The following KCNQ5 variants were observed in gnomAD, a reference collection of about 807,000 sequenced individuals.
KCNQ5 encodes potassium voltage-gated channel subfamily KQT member 5.
A neutral mutation model predicts 98.2 loss-of-function variants in KCNQ5; 30 were observed. The observed-to-expected ratio is 0.31, with a 90% CI of 0.23 to 0.41. The LOEUF (loss-of-function observed/expected upper bound fraction) is 0.41, where lower values mean the gene tolerates loss of function less well. KCNQ5 is among the 10% of genes least tolerant of loss of function. The pLI, the probability that KCNQ5 is intolerant of heterozygous loss-of-function variation, is 1.00. For missense variants in KCNQ5, 835 were observed against 1,182.5 expected (o/e 0.71, Z 4.31); for synonymous variants, 458 against 449.4 (o/e 1.02, Z -0.24).
chr6:73,007,782 G>A (rs953274826), intron 2 of KCNQ5, among the ~76,000 whole-genome samples: 22 of 152,098 alleles, frequency 1.4e-4, no homozygotes, highest in Non-Finnish European at 2.8e-4. Context: ...TCACAGAGGC[G>A]CAGACAAAAA....
At position 73,082,345 on chromosome 6, in the gene KCNQ5, G is replaced by A. The variant is rs146201654; in HGVS notation, c.918+4458G>A. 1.2e-4 allele frequency among the ~76,000 whole-genome samples: 19 copies of A among 152,296 alleles called. No individual in the cohort carries two copies. In the Middle Eastern group the frequency reaches 0.01, roughly 82 times the overall value. ...GAGATGGTGGACATTTTTGTCACTT[G>A]TAATTTGTTTTTAATTTTAAAAAGT... On this transcript the variant is annotated intron_variant, in intron 5 of 13. Transcript: ENST00000370398.
chr6:72,878,980 T>C (rs962120744), intron 1 of KCNQ5, among the ~76,000 whole-genome samples: 5 of 152,242 alleles, frequency 3.3e-5, no homozygotes, highest in Non-Finnish European at 7.3e-5. Context: ...CATAATGTTA[T>C]AGTCATATTT....
intron 1 of KCNQ5, among the ~76,000 whole-genome samples, chr6:72,833,722 T>C (rs1776385396): frequency 1.3e-5 from 2 of 152,098 alleles, no homozygotes; most frequent in South Asian, 4.2e-4. Context: ...AAATTAAATA[T>C]GAGAAAACAA....
Position 72,922,031 on chromosome 6 carries a change from A to T in KCNQ5, c.399-81877A>T, listed in dbSNP as rs1195775062. Among the ~76,000 whole-genome samples the T allele has an allele frequency of 2.0e-5, 3 of 152,322 alleles. No homozygotes were observed. The South Asian group carries it at 6.2e-4, about 32-fold the overall frequency. On this transcript the variant is annotated intron_variant, in intron 1 of 13. Transcript: ENST00000370398. ...AGAACAGAGCCAAGAAAATCCATTT[A>T]CTTACAGCTTTTGGTGGTATGTAAC...
At chr6:73,085,845 A>C (rs1773968255) in intron 5 of KCNQ5, among the ~76,000 whole-genome samples, 1 of 152,186 alleles carries the variant, frequency 6.6e-6, no homozygotes, top group Non-Finnish European at 1.5e-5. Flanking sequence ...GGGCCGAGCA[A>C]ATGTATTATT....
At chr6:72,705,209 A>G (rs141442554) in intron 1 of KCNQ5, among the ~76,000 whole-genome samples, 29 of 152,296 alleles carry the variant, frequency 1.9e-4, no homozygotes, top group African/African-American at 6.5e-4. Context: ...CTGCTTATTC[A>G]CTTCAGTCTA....
At chr6:72,910,728 G>C (rs1437508155) in intron 1 of KCNQ5, among the ~76,000 whole-genome samples, 1 of 151,824 alleles carries the variant, frequency 6.6e-6, no homozygotes, top group East Asian at 1.9e-4. Flanking sequence ...TGTGTCTCTG[G>C]ATAACTACAT....
intron 1 of KCNQ5, among the ~76,000 whole-genome samples, chr6:72,831,495 C>G (rs765507885): frequency 2.0e-5 from 3 of 150,824 alleles, no homozygotes; most frequent in African/African-American, 7.3e-5. Flanking sequence ...AAACAAACAT[C>G]GCATGTTCTC....
intron 1 of KCNQ5, among the ~76,000 whole-genome samples, chr6:72,832,938 AG>A (rs1184149302): frequency 6.6e-6 from 1 of 152,190 alleles, no homozygotes; most frequent in African/African-American, 2.4e-5. Context: ...TGAGCAGCCC[AG>A]GTCTGCCTTT....
chr6:72,926,196 A>T (rs1038529237), intron 1 of KCNQ5, among the ~76,000 whole-genome samples: 1 of 152,050 alleles, frequency 6.6e-6, no homozygotes, highest in African/African-American at 2.4e-5. Flanking sequence ...ACTACCAGAG[A>T]TGGTGATAAA....
chr6:72,846,464 A>G (rs1777026446), intron 1 of KCNQ5, among the ~76,000 whole-genome samples: 1 of 151,930 alleles, frequency 6.6e-6, no homozygotes, highest in Non-Finnish European at 1.5e-5. Context: ...GCTTGACCTC[A>G]GGAGTTTGAG....
At chr6:72,712,308 A>T (rs1454323516) in intron 1 of KCNQ5, among the ~76,000 whole-genome samples, 1 of 152,178 alleles carries the variant, frequency 6.6e-6, no homozygotes, top group Non-Finnish European at 1.5e-5. Context: ...AAATTCATAG[A>T]GTCCAAGGTT....
intron 1 of KCNQ5, among the ~76,000 whole-genome samples, chr6:72,744,229 C>T (rs1474824552): frequency 6.6e-6 from 1 of 152,112 alleles, no homozygotes; most frequent in Non-Finnish European, 1.5e-5. Context: ...GGCATATCTA[C>T]GATGAGATCT....
intron 7 of KCNQ5, among the ~76,000 whole-genome samples, chr6:73,119,214 G>A (rs1171848175): frequency 6.6e-6 from 1 of 152,162 alleles, no homozygotes; most frequent in Non-Finnish European, 1.5e-5. Context: ...TCTCTCAAAT[G>A]AGCAGTTCAG....
At chr6:72,822,632 C>T (rs897401230) in intron 1 of KCNQ5, among the ~76,000 whole-genome samples, 3 of 151,952 alleles carry the variant, frequency 2.0e-5, no homozygotes, top group African/African-American at 7.3e-5. Context: ...ATCTTCTGTC[C>T]ATTATTATTG....
At position 73,032,560 on chromosome 6, in the gene KCNQ5, A is replaced by G. The variant is rs1004318454; in HGVS notation, c.490-9376A>G. Among the ~76,000 whole-genome samples the G allele has an allele frequency of 6.4e-4, 97 of 152,342 alleles. 1 individual carries two copies. Among genetic ancestry groups the G allele is most frequent in the African/African-American group, 2.2e-3 (93 of 41,580 alleles). ...TCAAATGAAAACTTGGTTTGATTTC[A>G]TTCATTTTGGAGACACTTTCGGTGT... On this transcript the variant is annotated intron_variant, in intron 2 of 13. Transcript: ENST00000370398.
chr6:72,829,082 G>C (rs1027851436), intron 1 of KCNQ5, among the ~76,000 whole-genome samples: 9 of 152,148 alleles, frequency 5.9e-5, no homozygotes, highest in Middle Eastern at 3.4e-3. Flanking sequence ...CAGTTTGACT[G>C]TGGTGTGGCC....
chr6:73,069,784 G>C (rs1165929402), intron 3 of KCNQ5, among the ~76,000 whole-genome samples: 1 of 152,128 alleles, frequency 6.6e-6, no homozygotes. Flanking sequence ...TTGAATGCCA[G>C]GTAGCAGAAT....
rs1009453095 is a variant in KCNQ5, at chr6:73,093,879, T to C, written c.919-11378T>C. 6.8e-4 allele frequency among the ~76,000 whole-genome samples: 103 copies of C among 152,106 alleles called. 1 individual carries two copies. The highest frequency in any genetic ancestry group is 6.4e-3 in the Admixed American group (98 of 15,276). On this transcript the variant is annotated intron_variant, in intron 5 of 13. Coordinates refer to ENST00000370398, the MANE Select transcript of KCNQ5 (RefSeq NM_019842.4). ...TGCACTGAATAGAATGTATATTCTA[T>C]GGTTGTTGGATGGAATGTTCTGTAT...
Sources: gnomAD v4.1 joint callset for allele counts (sites outside exome capture counted in the v4.1 genomes callset) on GRCh38, gnomAD v4.1.1 for gene constraint, MANE v1.5 for transcripts, NCBI Gene and HGNC (gene_info 2026-07-23, HGNC 2026-07-21) for gene names.